The following ACTR3C variants were observed in gnomAD, a reference collection of about 807,000 sequenced individuals.
The protein encoded by ACTR3C is actin related protein 3C.
In ACTR3C, 18 loss-of-function variants were observed where a neutral mutation model predicts 26.3. The observed-to-expected ratio is 0.68, with a 90% confidence interval of 0.47 to 1.01. The LOEUF (loss-of-function observed/expected upper bound fraction) is 1.01, where lower values mean the gene tolerates loss of function less well. Among genes scored for constraint, ACTR3C ranks in the 50% least tolerant of loss-of-function variants. ACTR3C has a pLI of 0.00. For synonymous variants in ACTR3C, 55 were observed against 94.5 expected, an observed-to-expected ratio of 0.58 and a Z score of 2.42; for missense variants, 184 against 250.7, an observed-to-expected ratio of 0.73 and a Z score of 1.80.
At chr7:150,159,969 A>G in the ACTR3C span, among the ~76,000 whole-genome samples, 1 of 151,734 alleles carries the variant, frequency 6.6e-6, no homozygotes, top group Non-Finnish European at 1.5e-5. Context: ...TAATTTTTGT[A>G]TTTTTAGTAG....
chr7:150,054,088 C>A, the ACTR3C span, among the ~76,000 whole-genome samples: 1 of 152,202 alleles, frequency 6.6e-6, no homozygotes, highest in African/African-American at 2.4e-5. Context: ...TGTGACAAAC[C>A]CCCTTTTCAG....
the ACTR3C span, among the ~76,000 whole-genome samples, chr7:149,995,438 A>G: frequency 1.3e-5 from 2 of 152,270 alleles, no homozygotes; most frequent in Admixed American, 1.3e-4. Flanking sequence ...AGAAAGAGAA[A>G]GAGTGAAATC....
the ACTR3C span, among the ~76,000 whole-genome samples, chr7:150,146,824 T>A: frequency 3.9e-5 from 6 of 152,346 alleles, no homozygotes; most frequent in East Asian, 9.6e-4. Flanking sequence ...AAATAACTGA[T>A]GTATTTTATT....
chr7:149,936,718 C>A, the ACTR3C span, among the ~76,000 whole-genome samples: 1,129 of 152,336 alleles, frequency 7.4e-3, 17 homozygotes, highest in Admixed American at 0.034. Flanking sequence ...GGGTTCAAGT[C>A]CTATTTTTGC....
chr7:150,291,945 TG>T (rs1836303087), intron 3 of ACTR3C, among the ~76,000 whole-genome samples: 1 of 151,320 alleles, frequency 6.6e-6, no homozygotes, highest in African/African-American at 2.4e-5. Flanking sequence ...GTACAAGGTA[TG>T]GGGGCGGGAG....
At chr7:149,883,101 G>C in the ACTR3C span, among the ~76,000 whole-genome samples, 4 of 152,354 alleles carry the variant, frequency 2.6e-5, no homozygotes, top group African/African-American at 9.6e-5. Context: ...AGAAAGTGAG[G>C]GGGTGGTCAG....
At chr7:150,138,499 C>CTAGT in the ACTR3C span, among the ~76,000 whole-genome samples, 1 of 152,240 alleles carries the variant, frequency 6.6e-6, no homozygotes, top group Admixed American at 6.5e-5. Flanking sequence ...CACTTCCCTT[C>CTAGT]CAGTGCTTTA....
chr7:149,891,334 C>T, the ACTR3C span: 1 of 835,604 alleles, frequency 1.2e-6, no homozygotes, highest in African/African-American at 1.6e-5. Flanking sequence ...TGTCAAGCCT[C>T]AGTTCGCAAC....
Position 150,274,196 on chromosome 7 carries a change from C to T in ACTR3C, c.564+10557G>A, listed in dbSNP as rs906675388. Among the ~76,000 whole-genome samples, 5 of 152,134 alleles carry T rather than the reference C, an allele frequency of 3.3e-5. No homozygotes were observed. Among genetic ancestry groups the T allele is most frequent in the Admixed American group, 6.5e-5 (1 of 15,272 alleles). On this transcript the variant is annotated intron_variant, in intron 6 of 7. Coordinates refer to ENST00000683684, the MANE Select transcript of ACTR3C (RefSeq NM_001164458.2). This position sits in a 1 kb window ranked among gnomAD's most constrained non-coding sequence, Gnocchi z 4.1. ...GCAGTCTAGAGCAGGGTGGTCAGGA[C>T]GCCTCACTAGAAGATGGCATTTATT...
At chr7:150,124,920 CACATGGAAAG>C in the ACTR3C span, among the ~76,000 whole-genome samples, 12 of 152,220 alleles carry the variant, frequency 7.9e-5, no homozygotes, top group African/African-American at 2.9e-4. Context: ...CCCCATCTTA[CACATGGAAAG>C]ACTGAGGCTA....
At chr7:149,958,339 C>T in the ACTR3C span, among the ~76,000 whole-genome samples, 25 of 152,254 alleles carry the variant, frequency 1.6e-4, no homozygotes, top group Non-Finnish European at 2.6e-4. Flanking sequence ...GTTCCAGTGA[C>T]GATCTTGATC....
the ACTR3C span, among the ~76,000 whole-genome samples, chr7:150,216,138 G>T: frequency 6.6e-6 from 1 of 151,642 alleles, no homozygotes; most frequent in Non-Finnish European, 1.5e-5. Flanking sequence ...AGAGAAAACA[G>T]ATATGAAATA....
the ACTR3C span, among the ~76,000 whole-genome samples, chr7:150,091,814 C>G: frequency 1.3e-5 from 2 of 150,030 alleles, no homozygotes; most frequent in Non-Finnish European, 3.0e-5. Flanking sequence ...AACACCGTCT[C>G]TACTAAAAAT....
At chr7:150,166,430 G>A in the ACTR3C span, among the ~76,000 whole-genome samples, 4 of 150,920 alleles carry the variant, frequency 2.7e-5, no homozygotes, top group African/African-American at 9.9e-5. Context: ...TGGGTGCTGT[G>A]GCTCATGCCT....
At chr7:149,967,395 C>T in the ACTR3C span, among the ~76,000 whole-genome samples, 5 of 151,958 alleles carry the variant, frequency 3.3e-5, no homozygotes, top group East Asian at 1.9e-4. Flanking sequence ...TGGTCTCAAA[C>T]GCCTGGGCTG....
At chr7:150,276,652 A>G (rs1584902153) in intron 6 of ACTR3C, among the ~76,000 whole-genome samples, 1 of 152,232 alleles carries the variant, frequency 6.6e-6, no homozygotes, top group African/African-American at 2.4e-5. Context: ...CAAATTTCTT[A>G]CAAGGATTAC....
the ACTR3C span, among the ~76,000 whole-genome samples, chr7:149,955,912 G>C: frequency 6.6e-6 from 1 of 151,982 alleles, no homozygotes; most frequent in Non-Finnish European, 1.5e-5. Context: ...ACTCACCCTG[G>C]GATTAACAGA....
chr7:150,198,716 G>C, the ACTR3C span, among the ~76,000 whole-genome samples: 3 of 140,250 alleles, frequency 2.1e-5, no homozygotes, highest in East Asian at 2.1e-4. Flanking sequence ...AGTGAGGAGC[G>C]TCTCCGCCCG....
At chr7:150,125,439 T>C in the ACTR3C span, among the ~76,000 whole-genome samples, 25 of 149,494 alleles carry the variant, frequency 1.7e-4, no homozygotes, top group African/African-American at 5.4e-4. Flanking sequence ...GTCTAGAAAA[T>C]CTTTGTAGGC....
Sources: allele counts gnomAD v4.1 joint callset (sites outside exome capture counted in the v4.1 genomes callset), GRCh38; gene constraint gnomAD v4.1.1; non-coding constraint Gnocchi (gnomAD v3.1); transcripts MANE v1.5; gene names NCBI Gene and HGNC (gene_info 2026-07-23, HGNC 2026-07-21).